Variants in GABRB2 observed in about 807,000 individuals in gnomAD.
GABRB2 encodes the protein gamma-aminobutyric acid receptor subunit beta-2.
In GABRB2, 16 loss-of-function variants were observed where a neutral mutation model predicts 54.7. The ratio of observed to expected loss-of-function variants is 0.29; its 90% CI spans 0.20 to 0.44. The LOEUF is 0.44. GABRB2 is among the 20% of genes least tolerant of loss of function. The probability of loss-of-function intolerance (pLI) is 1.00; values close to 1 mark genes in which losing one functional copy is unlikely to be tolerated. For synonymous variants in GABRB2, 244 were observed against 233.8 expected, an observed-to-expected ratio of 1.04 and a Z score of -0.40; for missense variants, 355 against 644.0, an observed-to-expected ratio of 0.55 and a Z score of 4.86.
chr5:161,340,123 G>A (rs1003921122), intron 5 of GABRB2, among the ~76,000 whole-genome samples: 5 of 151,804 alleles, frequency 3.3e-5, no homozygotes, highest in South Asian at 2.1e-4. Context: ...TATCCATTGC[G>A]ATAAATATTA....
intron 4 of GABRB2, among the ~76,000 whole-genome samples, chr5:161,457,160 A>G (rs1157584310): frequency 3.9e-5 from 6 of 152,226 alleles, no homozygotes; most frequent in Non-Finnish European, 8.8e-5. Context: ...AATTAACAAT[A>G]CAGCTGAGAA....
chr5:161,417,364 C>T (rs115722074), intron 4 of GABRB2, among the ~76,000 whole-genome samples: 238 of 152,244 alleles, frequency 1.6e-3, no homozygotes, highest in African/African-American at 5.6e-3. Flanking sequence ...TTGTTATTCC[C>T]ATTTTATACA....
chr5:161,521,341 A>T (rs1196390204), intron 3 of GABRB2, among the ~76,000 whole-genome samples: 3 of 151,982 alleles, frequency 2.0e-5, no homozygotes, highest in African/African-American at 4.8e-5. Flanking sequence ...CAGTAAGTAG[A>T]GCAGTGAATG....
At chr5:161,484,512 G>C (rs906682732) in intron 3 of GABRB2, among the ~76,000 whole-genome samples, 7 of 151,906 alleles carry the variant, frequency 4.6e-5, no homozygotes, top group Non-Finnish European at 7.4e-5. Flanking sequence ...GCCTCCAACA[G>C]TGTTGGTCCA....
rs1374496967 is a variant in GABRB2, at chr5:161,294,423, G to T, written c.1197C>A (p.Asp399Glu). 5.6e-6 allele frequency: 9 copies of T among 1,610,320 alleles called. No homozygotes were observed. The highest frequency in any genetic ancestry group is 1.3e-5 in the African/African-American group (1 of 74,886). Reference sequence around the variant, plus strand: ...TGCTCAGTAAGATGTTCTCATGGGGGTCCATCTGCAAGGGAAGAGAATCAA... The same window carrying T: ...TGCTCAGTAAGATGTTCTCATGGGGTTCCATCTGCAAGGGAAGAGAATCAA... ...TNYDFSLYTM[D>E]PHENILLSTL... Residue 399 changes from aspartate to glutamate, a missense_variant, in exon 10 of 10, where the codon GAC becomes GAA. Physicochemically the swap from Asp to Glu is conservative, Grantham distance 45. Transcript: ENST00000393959.
intron 3 of GABRB2, among the ~76,000 whole-genome samples, chr5:161,484,323 T>C (rs527460665): frequency 6.6e-6 from 1 of 152,102 alleles, no homozygotes; most frequent in South Asian, 2.1e-4. Flanking sequence ...CAACTTGTGT[T>C]CATTTCTTTT....
intron 9 of GABRB2, among the ~76,000 whole-genome samples, chr5:161,308,098 T>G (rs1446816590): frequency 6.6e-6 from 1 of 152,094 alleles, no homozygotes; most frequent in African/African-American, 2.4e-5. Context: ...CCTGACCTCG[T>G]GATCTGCCCG....
At chr5:161,341,908 T>C (rs1012001795) in intron 5 of GABRB2, among the ~76,000 whole-genome samples, 5 of 144,384 alleles carry the variant, frequency 3.5e-5, no homozygotes, top group Non-Finnish European at 7.5e-5. Context: ...TTAGAAGAGG[T>C]GAATTAATGC....
chr5:161,290,423 C>T lies in GABRB2; in HGVS notation c.*3658G>A, dbSNP rs1030765545. On this transcript the variant is annotated 3_prime_UTR_variant, in exon 10 of 10. Transcript: ENST00000393959. The stretch of plus-strand genomic sequence containing the variant: ...ATGTTCTGGGGTACAGTACTATTGT[C>T]GAGTTGAACTGTGCAATGGTTCATA... 2 of 152,526 alleles carry T rather than the reference C, an allele frequency of 1.3e-5. No individual in the cohort carries two copies. The highest frequency in any genetic ancestry group is 2.9e-5 in the Non-Finnish European group (2 of 67,972). 9.4% of individuals were successfully genotyped at this position (152,526 alleles called of 1,614,324 possible). A position where few individuals can be genotyped will look rare whatever the true frequency, so the allele number is the denominator to read the frequency against.
At chr5:161,418,846 G>A (rs1262938772) in intron 4 of GABRB2, among the ~76,000 whole-genome samples, 1 of 152,092 alleles carries the variant, frequency 6.6e-6, no homozygotes, top group Non-Finnish European at 1.5e-5. Context: ...GAGATTTCTG[G>A]CCAAGTGCTA....
chr5:161,321,276 A>G (rs1367881738), intron 9 of GABRB2, among the ~76,000 whole-genome samples: 1 of 152,128 alleles, frequency 6.6e-6, no homozygotes, highest in African/African-American at 2.4e-5. Context: ...TTAGCAAATG[A>G]ACATCTCCTC....
intron 4 of GABRB2, among the ~76,000 whole-genome samples, chr5:161,435,020 T>A (rs1757270575): frequency 6.6e-6 from 1 of 152,222 alleles, no homozygotes; most frequent in Non-Finnish European, 1.5e-5. Context: ...TATATAGAGA[T>A]GTCTGTGTTT....
Position 161,336,620 on chromosome 5 carries a change from C to A in GABRB2, c.679+12G>T, listed in dbSNP as rs1228798326. 3 of 1,610,360 alleles carry A rather than the reference C, an allele frequency of 1.9e-6. No individual in the cohort carries two copies. Among genetic ancestry groups the A allele is most frequent in the Non-Finnish European group, 2.5e-6 (3 of 1,178,064 alleles). ...AGATTATTTTCCCTTAACACTTTTC[C>A]ATGATACAAACCTGTGGAAAAAACA... is the stretch of plus-strand genomic sequence containing the variant. On this transcript the variant is annotated intron_variant, in intron 6 of 9. Coordinates refer to ENST00000393959, the MANE Select transcript of GABRB2 (RefSeq NM_001371727.1).
Position 161,367,233 on chromosome 5 carries a change from C to G in GABRB2, c.542-30464G>C, listed in dbSNP as rs17059370. ...AAATTATCATTTTGCATTTTTAAAA[C>G]TATTTCAAATTGTCATGAAGGAAAT... On this transcript the variant is annotated intron_variant, in intron 5 of 9. Transcript: ENST00000393959. 7.1e-3 allele frequency among the ~76,000 whole-genome samples: 1,075 copies of G among 152,188 alleles called. 12 individuals are homozygous for G. Among genetic ancestry groups the G allele is most frequent in the African/African-American group, 0.025 (1,022 of 41,530 alleles).
At chr5:161,535,704 A>G (rs918720606) in intron 3 of GABRB2, among the ~76,000 whole-genome samples, 6 of 152,192 alleles carry the variant, frequency 3.9e-5, no homozygotes, top group Non-Finnish European at 7.3e-5. Flanking sequence ...GAAGTGCATT[A>G]ACACAATACC....
intron 5 of GABRB2, among the ~76,000 whole-genome samples, chr5:161,341,840 T>C (rs1350974215): frequency 6.7e-6 from 1 of 149,402 alleles, no homozygotes; most frequent in Non-Finnish European, 1.5e-5. Context: ...ATTGTTTTAC[T>C]GTGCAAAAAA....
intron 3 of GABRB2, among the ~76,000 whole-genome samples, chr5:161,503,503 G>C (rs1483356251): frequency 3.9e-5 from 6 of 152,124 alleles, no homozygotes; most frequent in African/African-American, 1.4e-4. Flanking sequence ...GAGGTTGGGA[G>C]TTTGAGAACA....
chr5:161,464,114 T>C (rs1318820286), intron 3 of GABRB2, among the ~76,000 whole-genome samples: 15 of 152,022 alleles, frequency 9.9e-5, no homozygotes. Flanking sequence ...CAACAGAATT[T>C]AAGGTTTTTT....
At chr5:161,391,963 G>A (rs1755837547) in intron 5 of GABRB2, among the ~76,000 whole-genome samples, 1 of 152,196 alleles carries the variant, frequency 6.6e-6, no homozygotes, top group Non-Finnish European at 1.5e-5. Context: ...TCTGCTGTCT[G>A]TGCAGCACCT....
Sources: allele counts gnomAD v4.1 joint callset (sites outside exome capture counted in the v4.1 genomes callset), GRCh38; gene constraint gnomAD v4.1.1; transcripts MANE v1.5; gene names NCBI Gene and HGNC (gene_info 2026-07-23, HGNC 2026-07-21).